Variants in MUC7 observed in about 807,000 individuals in gnomAD.
MUC7 encodes the protein mucin 7, secreted.
A neutral mutation model predicts 2.5 loss-of-function variants in MUC7; 2 were observed. The observed-to-expected ratio is 0.81, with a 90% CI of 0.33 to 2.55. MUC7 has a LOEUF of 2.55. MUC7 is among the 30% of genes most tolerant of loss of function. The probability of loss-of-function intolerance (pLI) is 0.11; values close to 1 mark genes in which losing one functional copy is unlikely to be tolerated. For missense variants in MUC7, 408 were observed against 455.6 expected, an observed-to-expected ratio of 0.90 and a Z score of 0.95; for synonymous variants, 133 against 173.4, an observed-to-expected ratio of 0.77 and a Z score of 1.83.
intron 2 of MUC7, among the ~76,000 whole-genome samples, chr4:70,479,632 C>A (rs1238855657): frequency 6.6e-6 from 1 of 152,068 alleles, no homozygotes. Flanking sequence ...AGATTGAATA[C>A]AGGGAAGAGG....
Position 70,477,127 on chromosome 4 carries a change from G to A in MUC7, c.54+3052G>A, listed in dbSNP as rs1735027204. ...TCTAATTTCAATTAAATGTAATCTT[G>A]GGCCGGGTGCCGTGGCTCACACCTG... On this transcript the variant is annotated intron_variant, in intron 2 of 2. Coordinates refer to ENST00000304887, the MANE Select transcript of MUC7 (RefSeq NM_152291.3). 2.6e-5 allele frequency among the ~76,000 whole-genome samples: 4 copies of A among 152,102 alleles called. No homozygotes were observed. The South Asian group carries it at 8.3e-4, about 32-fold the overall frequency.
At chr4:70,478,622 A>G (rs943258666) in intron 2 of MUC7, among the ~76,000 whole-genome samples, 1 of 152,190 alleles carries the variant, frequency 6.6e-6, no homozygotes, top group East Asian at 1.9e-4. Flanking sequence ...ACATGTTCCT[A>G]TAAGATCTGG....
chr4:70,478,547 C>A (rs1226932053), intron 2 of MUC7, among the ~76,000 whole-genome samples: 1 of 152,082 alleles, frequency 6.6e-6, no homozygotes, highest in Admixed American at 6.5e-5. Flanking sequence ...AGTCACTCAG[C>A]TATTCAGTGG....
At chr4:70,471,118 C>T (rs181021664), upstream of MUC7, among the ~76,000 whole-genome samples, 210 of 152,214 alleles carry the variant, frequency 1.4e-3, no homozygotes, top group African/African-American at 4.3e-3. Context: ...GGAATCACAC[C>T]TTCAAAACTG....
Position 70,447,154 on chromosome 4 carries a change from G to T in MUC7, c.-93+16467G>T, listed in dbSNP as rs371988517. On this transcript the variant is annotated intron_variant, in intron 1 of 3. Transcript: ENST00000413702. ...GAGGATGTACAGAAAGCAGGGCCTTGATGTCCTGAGTTCATATCCTGATTG... is the reference window on the plus strand; with the variant it reads ...GAGGATGTACAGAAAGCAGGGCCTTTATGTCCTGAGTTCATATCCTGATTG... Among the ~76,000 whole-genome samples the T allele has an allele frequency of 5.0e-4, 76 of 152,248 alleles. 2 individuals are homozygous for T. In the South Asian group the frequency reaches 0.016, roughly 31 times the overall value.
intron 1 of MUC7, among the ~76,000 whole-genome samples, chr4:70,462,581 T>C (rs10027153): frequency 0.093 from 14,215 of 152,232 alleles, 873 homozygotes; most frequent in African/African-American, 0.17. Context: ...AAACAGTTCA[T>C]AGTAGCAAAT....
chr4:70,454,100 G>A (rs1734357481), intron 1 of MUC7, among the ~76,000 whole-genome samples: 1 of 151,952 alleles, frequency 6.6e-6, no homozygotes, highest in African/African-American at 2.4e-5. Context: ...AAGCTGTGCT[G>A]CCTGTGGCTA....
At chr4:70,442,252 T>C (rs1173808692) in intron 1 of MUC7, among the ~76,000 whole-genome samples, 1 of 152,198 alleles carries the variant, frequency 6.6e-6, no homozygotes, top group African/African-American at 2.4e-5. Flanking sequence ...GCATTTCTCC[T>C]AATGATAAAG....
intron 1 of MUC7, among the ~76,000 whole-genome samples, chr4:70,453,543 G>A (rs990746108): frequency 6.6e-6 from 1 of 152,004 alleles, no homozygotes; most frequent in African/African-American, 2.4e-5. Flanking sequence ...CTGGTCCAGG[G>A]GATATCTAGA....
chr4:70,469,371 C>A (rs1405265588), upstream of MUC7, among the ~76,000 whole-genome samples: 2 of 152,124 alleles, frequency 1.3e-5, no homozygotes, highest in African/African-American at 4.8e-5. Flanking sequence ...ACTAAAACAC[C>A]AAAGGCAATG....
rs568878165 is a variant in MUC7, at chr4:70,475,846, G to T, written c.54+1771G>T. Among the ~76,000 whole-genome samples the T allele has an allele frequency of 3.9e-5, 6 of 152,290 alleles. No homozygotes were observed. The South Asian group carries it at 1.2e-3, about 32-fold the overall frequency. On this transcript the variant is annotated intron_variant, in intron 2 of 2. Transcript: ENST00000304887. ...TAGAGAGAGAGAGGGCAGAAGAACT[G>T]ATGAAGTGGACGGAATTTACTCTTG...
intron 1 of MUC7, among the ~76,000 whole-genome samples, chr4:70,448,966 G>C (rs1309413616): frequency 6.6e-6 from 1 of 152,018 alleles, no homozygotes; most frequent in Non-Finnish European, 1.5e-5. Context: ...CAGGAATAGG[G>C]GTCTAATTTC....
At position 70,434,899 on chromosome 4, in the gene MUC7, A is replaced by G. The variant is rs191208053; in HGVS notation, c.-93+4212A>G. Among the ~76,000 whole-genome samples the G allele has an allele frequency of 5.5e-3, 831 of 152,110 alleles. 8 individuals are homozygous for G. Among genetic ancestry groups the G allele is most frequent in the African/African-American group, 0.019 (786 of 41,468 alleles). ...TTAATTGTGTTCGAGAGATTCTGGT[A>G]TGTTGTGTCTTTGTTCTCGTTGGTT... On this transcript the variant is annotated intron_variant, in intron 1 of 3. Transcript: ENST00000413702.
chr4:70,469,740 T>C (rs1257596453), upstream of MUC7, among the ~76,000 whole-genome samples: 3 of 152,136 alleles, frequency 2.0e-5, no homozygotes, highest in African/African-American at 7.2e-5. Context: ...ATAGCAATCA[T>C]TAAAAAGTCA....
At chr4:70,440,672 AT>A (rs1733979536) in intron 1 of MUC7, among the ~76,000 whole-genome samples, 1 of 152,194 alleles carries the variant, frequency 6.6e-6, no homozygotes, top group Non-Finnish European at 1.5e-5. Context: ...ATCTATACAA[AT>A]TTTATTAATG....
At chr4:70,432,872 G>GT (rs1230709825) in intron 1 of MUC7, among the ~76,000 whole-genome samples, 1 of 152,052 alleles carries the variant, frequency 6.6e-6, no homozygotes, top group Non-Finnish European at 1.5e-5. Flanking sequence ...GGTCTAATAT[G>GT]TAAGTCTTTA....
At chr4:70,452,754 G>A (rs1734310418) in intron 1 of MUC7, among the ~76,000 whole-genome samples, 1 of 152,106 alleles carries the variant, frequency 6.6e-6, no homozygotes, top group Non-Finnish European at 1.5e-5. Flanking sequence ...AATACTCTAT[G>A]TTCTCCTGTG....
upstream of MUC7, among the ~76,000 whole-genome samples, chr4:70,468,129 C>T (rs556963363): frequency 1.3e-5 from 2 of 152,194 alleles, no homozygotes; most frequent in African/African-American, 2.4e-5. Context: ...TGTAATCCAT[C>T]TCATAAACAG....
At chr4:70,470,313 A>G (rs7695648), upstream of MUC7, among the ~76,000 whole-genome samples, 137,909 of 152,184 alleles carry the variant, frequency 0.91, 62,698 homozygotes, top group East Asian at 1. Flanking sequence ...TGTAGGTGAC[A>G]GGTTGATGGG....
Sources: allele counts gnomAD v4.1 joint callset (sites outside exome capture counted in the v4.1 genomes callset), GRCh38; gene constraint gnomAD v4.1.1; transcripts MANE v1.5; gene names NCBI Gene and HGNC (gene_info 2026-07-23, HGNC 2026-07-21).